COL21A1: variants seen among roughly 807,000 people sequenced by gnomAD.
COL21A1 encodes collagen alpha-1(XXI) chain.
In COL21A1, 149 loss-of-function variants were observed where a neutral mutation model predicts 137.9. The observed-to-expected ratio is 1.08, with a 90% CI of 0.95 to 1.24. The LOEUF (loss-of-function observed/expected upper bound fraction) is 1.24, where lower values mean the gene tolerates loss of function less well. Among genes scored for constraint, COL21A1 ranks in the 50% most tolerant of loss-of-function variants. The probability of loss-of-function intolerance (pLI) is 0.00; values close to 1 mark genes in which losing one functional copy is unlikely to be tolerated. For missense variants in COL21A1, 1,167 were observed against 1,158.4 expected (o/e 1.01, Z -0.11); for synonymous variants, 456 against 391.5 (o/e 1.16, Z -1.95).
intron 16 of COL21A1, among the ~76,000 whole-genome samples, chr6:56,116,307 C>A (rs1481324527): frequency 6.7e-6 from 1 of 149,130 alleles, no homozygotes; most frequent in Non-Finnish European, 1.5e-5. Context: ...CAATGGAGCT[C>A]CAATATGTCT....
At chr6:56,067,141 G>T (rs878911644) in intron 23 of COL21A1, among the ~76,000 whole-genome samples, 154 bp downstream of exon 23, 1 of 151,306 alleles carries the variant, frequency 6.6e-6, no homozygotes, top group South Asian at 2.1e-4. Flanking sequence ...GTCAAATTTG[G>T]TCTTGTCTGA....
intron 1 of COL21A1, among the ~76,000 whole-genome samples, chr6:56,222,117 AC>A (rs1280662322): frequency 7.2e-5 from 11 of 152,082 alleles, no homozygotes; most frequent in African/African-American, 2.7e-4. Context: ...TACTAAAAAT[AC>A]AAAAATTAGC....
At chr6:56,148,332 A>AG (rs752184303) in intron 10 of COL21A1, among the ~76,000 whole-genome samples, 2 of 24,712 alleles carry the variant, frequency 8.1e-5, no homozygotes, top group African/African-American at 2.5e-4. Flanking sequence ...TTAGTGAGAC[A>AG]AGAGACAGAG....
chr6:56,313,238 T>C (rs1234974333), intron 1 of COL21A1, among the ~76,000 whole-genome samples: 1 of 151,960 alleles, frequency 6.6e-6, no homozygotes, highest in Non-Finnish European at 1.5e-5. Context: ...CTCCCTTATT[T>C]GTGAGGGTTA....
intron 1 of COL21A1, among the ~76,000 whole-genome samples, chr6:56,348,689 G>A (rs1188562106): frequency 1.3e-5 from 2 of 152,166 alleles, no homozygotes; most frequent in Admixed American, 6.5e-5. Flanking sequence ...AGGGGAGGAA[G>A]GGGAAGCAAA....
chr6:56,155,502 C>T (rs145082709), intron 10 of COL21A1, among the ~76,000 whole-genome samples: 1 of 152,296 alleles, frequency 6.6e-6, no homozygotes, highest in East Asian at 1.9e-4. Flanking sequence ...TAAACATTCC[C>T]ACTCTTTCGT....
chr6:56,359,017 T>C (rs111834823), intron 1 of COL21A1, among the ~76,000 whole-genome samples: 5,368 of 151,972 alleles, frequency 0.035, 291 homozygotes, highest in African/African-American at 0.12. Context: ...CTATCTATAA[T>C]ATATTGAATA....
intron 16 of COL21A1, among the ~76,000 whole-genome samples, chr6:56,111,592 G>A (rs1417126344): frequency 6.6e-6 from 1 of 152,030 alleles, no homozygotes; most frequent in Non-Finnish European, 1.5e-5. Flanking sequence ...GGCCAGGCAT[G>A]GTGGCTCATG....
At chr6:56,238,665 C>G (rs1474701129) in intron 1 of COL21A1, among the ~76,000 whole-genome samples, 2 of 152,090 alleles carry the variant, frequency 1.3e-5, no homozygotes, top group African/African-American at 4.8e-5. Context: ...GCCCTGCCAC[C>G]TTCAGCAGAT....
intron 12 of COL21A1, 84 bp downstream of exon 12, chr6:56,141,701 G>T: frequency 7.1e-7 from 1 of 1,403,446 alleles, no homozygotes; most frequent in South Asian, 1.2e-5. Flanking sequence ...CCAAGACGCA[G>T]ACTATTGAAT....
intron 3 of COL21A1, among the ~76,000 whole-genome samples, chr6:56,172,161 T>C (rs1197901849): frequency 6.6e-6 from 1 of 151,392 alleles, no homozygotes; most frequent in Non-Finnish European, 1.5e-5. Flanking sequence ...AGGATATGGA[T>C]ACTCGAATTC....
At chr6:56,092,080 C>T (rs950688869) in intron 17 of COL21A1, among the ~76,000 whole-genome samples, 1 of 151,940 alleles carries the variant, frequency 6.6e-6, no homozygotes, top group African/African-American at 2.4e-5. Context: ...AAAATGTAGT[C>T]TAGCAAAGTT....
At chr6:56,219,786 A>G (rs906927849) in intron 1 of COL21A1, among the ~76,000 whole-genome samples, 1 of 152,078 alleles carries the variant, frequency 6.6e-6, no homozygotes, top group Non-Finnish European at 1.5e-5. Context: ...TGCAATGAAT[A>G]TTTTTGCCCA....
At chr6:56,124,016 T>C (rs996373525) in intron 16 of COL21A1, 46 bp downstream of exon 16, 9 of 1,423,380 alleles carry the variant, frequency 6.3e-6, no homozygotes, top group Non-Finnish European at 7.5e-6. Flanking sequence ...CCTCTCAAGA[T>C]ACAAAAATCT....
At chr6:56,187,819 C>A (rs919076563) in intron 1 of COL21A1, among the ~76,000 whole-genome samples, 2 of 152,184 alleles carry the variant, frequency 1.3e-5, no homozygotes, top group African/African-American at 4.8e-5. Flanking sequence ...AAAATAAGTA[C>A]ATGAGATTTC....
intron 2 of COL21A1, among the ~76,000 whole-genome samples, chr6:56,181,108 G>C (rs765980973): frequency 6.6e-6 from 1 of 152,122 alleles, no homozygotes; most frequent in Non-Finnish European, 1.5e-5. Flanking sequence ...AAAATAAAAA[G>C]AATTGCCAAA....
At chr6:56,065,836 A>G (rs1199236718) in intron 23 of COL21A1, among the ~76,000 whole-genome samples, 1 of 151,958 alleles carries the variant, frequency 6.6e-6, no homozygotes, top group Non-Finnish European at 1.5e-5. Context: ...TCCTAAGCAG[A>G]TATATAGCTT....
chr6:56,317,238 A>C (rs1037128481), intron 1 of COL21A1, among the ~76,000 whole-genome samples: 5 of 152,184 alleles, frequency 3.3e-5, no homozygotes, highest in Non-Finnish European at 7.4e-5. Flanking sequence ...GAGAGTGATG[A>C]GTTCTGAGCT....
chr6:56,088,444 A>G (rs1768471175), intron 17 of COL21A1, among the ~76,000 whole-genome samples: 1 of 152,228 alleles, frequency 6.6e-6, no homozygotes, highest in African/African-American at 2.4e-5. Context: ...GCATTCACAT[A>G]AAAGCTGAAT....
Sources: gnomAD v4.1 joint callset for allele counts (sites outside exome capture counted in the v4.1 genomes callset) on GRCh38, gnomAD v4.1.1 for gene constraint, MANE v1.5 for transcripts, NCBI Gene and HGNC (gene_info 2026-07-23, HGNC 2026-07-21) for gene names.